The following CLIC6 variants were observed in gnomAD, a reference collection of about 807,000 sequenced individuals.
CLIC6 encodes chloride intracellular channel protein 6.
A neutral mutation model predicts 49.2 loss-of-function variants in CLIC6; 39 were observed. The observed-to-expected ratio is 0.79, with a 90% CI of 0.61 to 1.04. The LOEUF (loss-of-function observed/expected upper bound fraction) is 1.04, where lower values mean the gene tolerates loss of function less well. Ranked by LOEUF, CLIC6 falls within the 50% of genes least tolerant of loss-of-function variation. CLIC6 has a pLI of 0.00. For missense variants in CLIC6, 988 were observed against 993.1 expected, an observed-to-expected ratio of 0.99 and a Z score of 0.07; for synonymous variants, 446 against 433.4, an observed-to-expected ratio of 1.03 and a Z score of -0.36.
chr21:34,707,326 G>T lies in CLIC6; in HGVS notation c.1421G>T (p.Arg474Leu). Residue 474 changes from arginine to leucine, a missense_variant, in exon 2 of 6, where the codon CGT (arginine) becomes CTT (leucine). Physicochemically the swap from Arg to Leu is moderately radical, Grantham distance 102 (BLOSUM62 -2). Coordinates refer to ENST00000349499, the MANE Select transcript of CLIC6 (RefSeq NM_053277.3). ...ESIGNCPFSQRLFMILWLKGV... is the reference protein window; with the variant it reads ...ESIGNCPFSQLLFMILWLKGV... ...ATCGGAAATTGCCCGTTTTCTCAGC[G>T]TCTCTTTATGATTCTCTGGCTGAAA... 6.2e-7 allele frequency: 1 copy of T among 1,614,050 alleles called. No homozygotes were observed. Among genetic ancestry groups the T allele is most frequent in the South Asian group, 1.1e-5 (1 of 91,080 alleles).
Position 34,708,728 on chromosome 21 carries a change from G to C in CLIC6, c.1639G>C (p.Glu547Gln), listed in dbSNP as rs745453822. ...RYPKLGTQHP[E>Q]SNSAGNDVFA... is the part of the protein sequence containing the mutation. ...TCCCAAGCTGGGGACCCAACATCCC[G>C]AATCTAATTCCGCAGGAAATGACGT... The change falls in exon 4 of 6, where the codon GAA (glutamate) becomes CAA (glutamine). Residue 547 changes from glutamate to glutamine, a missense_variant. Transcript: ENST00000349499. The C allele has an allele frequency of 1.9e-6, 3 of 1,614,036 alleles. No individual in the cohort carries two copies. The East Asian group carries it at 6.7e-5, about 36-fold the overall frequency.
At chr21:34,684,659 A>G (rs1989841719) in intron 1 of CLIC6, among the ~76,000 whole-genome samples, 1 of 152,250 alleles carries the variant, frequency 6.6e-6, no homozygotes, top group African/African-American at 2.4e-5. Flanking sequence ...CTTTACAACT[A>G]TTAAAGCTCT....
At chr21:34,697,242 C>T (rs74499848) in intron 1 of CLIC6, among the ~76,000 whole-genome samples, 1 of 152,026 alleles carries the variant, frequency 6.6e-6, no homozygotes, top group African/African-American at 2.4e-5. Context: ...AACTGCATCT[C>T]TAGTTGAGCT....
chr21:34,681,107 A>C lies in CLIC6; in HGVS notation c.1374+10345A>C, dbSNP rs145690147. Among the ~76,000 whole-genome samples the C allele has an allele frequency of 6.2e-4, 95 of 152,370 alleles. 1 individual carries two copies. Among genetic ancestry groups the C allele is most frequent in the Middle Eastern group, 6.8e-3 (2 of 294 alleles). ...AGACTGGGTTATTTATAAAGGAAAGAAGTTTAATTGACTGACAGTTCCGCA... is the reference window on the plus strand; with the variant it reads ...AGACTGGGTTATTTATAAAGGAAAGCAGTTTAATTGACTGACAGTTCCGCA... On this transcript the variant is annotated intron_variant, in intron 1 of 5. Transcript: ENST00000349499.
In CLIC6 at chr21:34,669,244, C is replaced by G. The variant is rs1989471017; in HGVS notation, c.-145C>G. 6.3e-6 allele frequency: 4 copies of G among 638,024 alleles called. No individual in the cohort carries two copies. The highest frequency in any genetic ancestry group is 9.0e-6 in the Non-Finnish European group (4 of 446,458). The allele number at this position is 638,024 out of a possible 1,614,324, so 39.5% of individuals were successfully genotyped here. On this transcript the variant is annotated 5_prime_UTR_variant, in exon 1 of 6. Coordinates refer to ENST00000349499, the MANE Select transcript of CLIC6 (RefSeq NM_053277.3). ...CGGGTCCTGCGCAAGGCCCCAGTGC[C>G]CCGGCTAAACCTTTGCCGCAGGATC...
In CLIC6 at chr21:34,678,172, C is replaced by T. The variant is rs558394826; in HGVS notation, c.1374+7410C>T. On this transcript the variant is annotated intron_variant, in intron 1 of 5. Coordinates refer to ENST00000349499, the MANE Select transcript of CLIC6 (RefSeq NM_053277.3). ...TCTGGCTGGGTGAGGTGGCTCACGC[C>T]TGTAATCCCAGCACTTTGGGAGGCT... 1.0e-3 allele frequency among the ~76,000 whole-genome samples: 156 copies of T among 152,000 alleles called. 1 individual carries two copies. Among genetic ancestry groups the T allele is most frequent in the African/African-American group, 3.6e-3 (148 of 41,448 alleles).
At chr21:34,707,875 G>T (rs1403987124) in intron 2 of CLIC6, 69 bp from the exon 3 acceptor site, 3 of 1,569,950 alleles carry the variant, frequency 1.9e-6, no homozygotes, top group South Asian at 2.3e-5. Context: ...GTGAGGACGC[G>T]GCTAAGCCCT....
chr21:34,675,071 A>G (rs190252107), intron 1 of CLIC6, among the ~76,000 whole-genome samples: 11 of 152,232 alleles, frequency 7.2e-5, no homozygotes, highest in African/African-American at 2.4e-4. Flanking sequence ...GCCACCCAGG[A>G]TTTAGACACC....
Position 34,717,764 on chromosome 21 carries a change from G to A in CLIC6, c.*1282G>A, listed in dbSNP as rs1207996825. On this transcript the variant is annotated 3_prime_UTR_variant, in exon 6 of 6. Coordinates refer to ENST00000349499, the MANE Select transcript of CLIC6 (RefSeq NM_053277.3). ...CATCTTACAGAAAACCCTCCTTGTA[G>A]AGTTGGTTGTGGTATGTGTTTGATG... 1.3e-5 allele frequency: 2 copies of A among 152,204 alleles called. No homozygotes were observed. The highest frequency in any genetic ancestry group is 2.4e-5 in the African/African-American group (1 of 41,446). 9.4% of individuals were successfully genotyped at this position (152,204 alleles called of 1,614,324 possible). A position where few individuals can be genotyped will look rare whatever the true frequency, so the allele number is the denominator to read the frequency against.
At chr21:34,699,799 A>C (rs1601279961) in intron 1 of CLIC6, among the ~76,000 whole-genome samples, 1 of 152,212 alleles carries the variant, frequency 6.6e-6, no homozygotes, top group South Asian at 2.1e-4. Flanking sequence ...AGAAAAAAGA[A>C]TAGCTCTCCT....
chr21:34,709,414 C>T lies in CLIC6; in HGVS notation c.1775C>T (p.Pro592Leu). ...LRKLDNYLNS[P>L]LPDEIDAYST... ...AAGCTGGATAATTACTTAAATAGCC[C>T]TCTGCCTGATGAAATAGATGCCTAC... The change falls in exon 5 of 6, where the codon CCT becomes CTT. Residue 592 changes from proline to leucine, a missense_variant. Pro to Leu is a moderately conservative substitution (Grantham distance 98, BLOSUM62 -3). This residue lies in a region of CLIC6 where 647 missense variants were observed against 596.9 expected (regional missense o/e 1.08). Transcript: ENST00000349499. The T allele has an allele frequency of 1.2e-6, 2 of 1,614,044 alleles. No individual in the cohort carries two copies. Among genetic ancestry groups the T allele is most frequent in the Non-Finnish European group, 1.7e-6 (2 of 1,179,936 alleles).
chr21:34,679,649 G>A (rs531293061), intron 1 of CLIC6, among the ~76,000 whole-genome samples: 26 of 152,330 alleles, frequency 1.7e-4, no homozygotes, highest in Non-Finnish European at 2.8e-4. Context: ...GATACGATGG[G>A]GGTACAGGCA....
chr21:34,703,661 A>T (rs1196237783), intron 1 of CLIC6, among the ~76,000 whole-genome samples: 1 of 152,164 alleles, frequency 6.6e-6, no homozygotes, highest in East Asian at 1.9e-4. Flanking sequence ...TCTGTAATTT[A>T]GAGAGGGCGT....
chr21:34,709,629 C>A, intron 5 of CLIC6, 91 bp downstream of exon 5: 1 of 1,173,860 alleles, frequency 8.5e-7, no homozygotes, highest in Non-Finnish European at 1.2e-6. Flanking sequence ...GACATTTAAA[C>A]AGTCTGAAAT....
At chr21:34,710,804 C>T (rs2056051438) in intron 5 of CLIC6, among the ~76,000 whole-genome samples, 1 of 152,014 alleles carries the variant, frequency 6.6e-6, no homozygotes, top group African/African-American at 2.4e-5. Flanking sequence ...CAGAGCAAGA[C>T]TCCGTCTCAG....
chr21:34,695,433 A>T (rs1430262968), intron 1 of CLIC6, among the ~76,000 whole-genome samples: 3 of 152,252 alleles, frequency 2.0e-5, no homozygotes, highest in African/African-American at 7.2e-5. Flanking sequence ...AAGGTAATGC[A>T]TTCACAGATG....
chr21:34,705,282 A>G (rs1191810715), intron 1 of CLIC6, among the ~76,000 whole-genome samples: 1 of 152,146 alleles, frequency 6.6e-6, no homozygotes, highest in Admixed American at 6.5e-5. Flanking sequence ...TTCCCAGGTC[A>G]TCAGCCACTG....
intron 1 of CLIC6, among the ~76,000 whole-genome samples, chr21:34,703,383 A>G (rs971646954): frequency 6.6e-6 from 1 of 152,022 alleles, no homozygotes. Context: ...GGTGAGAAGG[A>G]GAGTGTGGGG....
intron 1 of CLIC6, among the ~76,000 whole-genome samples, chr21:34,695,680 C>T (rs768777871): frequency 8.5e-5 from 13 of 152,210 alleles, no homozygotes; most frequent in Non-Finnish European, 1.9e-4. Flanking sequence ...ATGAGAAAAG[C>T]AAGTCTGAAA....
Sources: allele counts gnomAD v4.1 joint callset (sites outside exome capture counted in the v4.1 genomes callset), GRCh38; gene constraint gnomAD v4.1.1; regional missense constraint gnomAD v4.1.1; transcripts MANE v1.5; gene names NCBI Gene and HGNC (gene_info 2026-07-23, HGNC 2026-07-21).